PSME4: variants seen among roughly 807,000 people sequenced by gnomAD.
The protein encoded by PSME4 is proteasome activator subunit 4, also known as proteasome activator complex subunit 4.
In PSME4, 89 loss-of-function variants were observed where a neutral mutation model predicts 253.9. The observed-to-expected ratio is 0.35, with a 90% CI of 0.30 to 0.42. PSME4 has a LOEUF of 0.42. Ranked by LOEUF, PSME4 falls within the 10% of genes least tolerant of loss-of-function variation. PSME4 has a pLI of 1.00. For synonymous variants in PSME4, 851 were observed against 759.2 expected, an observed-to-expected ratio of 1.12 and a Z score of -1.99; for missense variants, 2,014 against 2,195.2, an observed-to-expected ratio of 0.92 and a Z score of 1.65.
rs1671048878 is a variant in PSME4, at chr2:53,970,830, CG to C, written c.-47del. ...CACCCCCTCCCACCCGAACCCTCCCCGGCCCCCACCCCTCTCCGGGCTCCGC... is the reference window on the plus strand; with the variant it reads ...CACCCCCTCCCACCCGAACCCTCCCCGCCCCCACCCCTCTCCGGGCTCCGC... On this transcript the variant is annotated 5_prime_UTR_variant, in exon 1 of 47. Transcript: ENST00000404125. 2.1e-6 allele frequency: 3 copies of C among 1,403,236 alleles called. No individual in the cohort carries two copies. The highest frequency in any genetic ancestry group is 1.5e-5 in the African/African-American group (1 of 67,424). 86.9% of individuals were successfully genotyped at this position (1,403,236 alleles called of 1,614,324 possible).
intron 45 of PSME4, 58 bp from the exon 46 acceptor site, chr2:53,866,281 T>A: frequency 6.4e-7 from 1 of 1,560,978 alleles, no homozygotes; most frequent in South Asian, 1.2e-5. Flanking sequence ...GGATCATATG[T>A]AGGATACTTT....
chr2:53,924,804 T>C (rs572215973), intron 14 of PSME4, among the ~76,000 whole-genome samples: 1 of 152,246 alleles, frequency 6.6e-6, no homozygotes, highest in South Asian at 2.1e-4. Context: ...ATGGTAGTCA[T>C]GTTCTATAAA....
intron 4 of PSME4, among the ~76,000 whole-genome samples, chr2:53,939,558 C>T (rs1434515800): frequency 6.6e-6 from 1 of 151,904 alleles, no homozygotes; most frequent in Non-Finnish European, 1.5e-5. Flanking sequence ...AGGCCCCACT[C>T]TCTACAAAAA....
Position 53,893,662 on chromosome 2 carries a change from C to T in PSME4, c.4038+12G>A, listed in dbSNP as rs1680014385. 7 of 1,606,476 alleles carry T rather than the reference C, an allele frequency of 4.4e-6. No homozygotes were observed. Among genetic ancestry groups the T allele is most frequent in the Non-Finnish European group, 6.0e-6 (7 of 1,176,054 alleles). ...AAGCATTACAAAGAGGATATGTAAACAATATAGTTACCTTAAAGAGGCAAA... is the reference window on the plus strand; with the variant it reads ...AAGCATTACAAAGAGGATATGTAAATAATATAGTTACCTTAAAGAGGCAAA... On this transcript the variant is annotated intron_variant, in intron 35 of 46. Transcript: ENST00000404125.
chr2:53,963,569 G>C (rs1670588014), intron 1 of PSME4, among the ~76,000 whole-genome samples: 1 of 152,140 alleles, frequency 6.6e-6, no homozygotes, highest in Non-Finnish European at 1.5e-5. Flanking sequence ...GAGAATACTT[G>C]TTACCCCAGG....
rs1178711835 is a variant in PSME4 at position 53,874,364 on chromosome 2, C to A, written c.5075G>T (p.Ser1692Ile). Reference protein sequence around the residue: ...AVKDIRWLVISLLEDEQLEVR... With the variant: ...AVKDIRWLVIILLEDEQLEVR... The stretch of plus-strand genomic sequence containing the variant: ...CTCCAGTTGTTCGTCCTCCAAAAGA[C>A]TTATAACCAGCCACCTGATATCTTT... The change falls in exon 43 of 47, where the codon AGT becomes ATT. Residue 1692 changes from serine to isoleucine, a missense_variant. Ser to Ile is a moderately radical substitution (Grantham distance 142). Around this residue, in one of 4 missense-constraint regions of PSME4, gnomAD observed 403 missense variants for 556.1 expected, o/e 0.72. Coordinates refer to ENST00000404125, the MANE Select transcript of PSME4 (RefSeq NM_014614.3). The A allele has an allele frequency of 1.9e-6, 3 of 1,613,578 alleles. No homozygotes were observed. In the Admixed American group the frequency reaches 5.0e-5, roughly 27 times the overall value.
At chr2:53,947,092 C>G (rs1353907262) in intron 3 of PSME4, among the ~76,000 whole-genome samples, 1 of 152,196 alleles carries the variant, frequency 6.6e-6, no homozygotes, top group Non-Finnish European at 1.5e-5. Flanking sequence ...TAAATGACTT[C>G]TAACCACCTT....
intron 3 of PSME4, among the ~76,000 whole-genome samples, chr2:53,943,058 T>TTA (rs1200265363): frequency 1.3e-5 from 2 of 152,190 alleles, no homozygotes; most frequent in African/African-American, 4.8e-5. Flanking sequence ...ACTTGCAGAT[T>TTA]TATGCCTCCT....
chr2:53,925,846 G>T, intron 13 of PSME4, 113 bp downstream of exon 13: 3 of 1,259,032 alleles, frequency 2.4e-6, no homozygotes, highest in Non-Finnish European at 3.4e-6. Context: ...AACTTCAGGA[G>T]CACCAGTAGT....
chr2:53,949,345 G>C (rs986182792), intron 1 of PSME4, 62 bp from the exon 2 acceptor site: 17 of 1,118,770 alleles, frequency 1.5e-5, no homozygotes, highest in Non-Finnish European at 2.0e-5. Flanking sequence ...CATGTTCAAT[G>C]CAGCATTATC....
intron 3 of PSME4, 124 bp downstream of exon 3, chr2:53,948,297 C>A (rs757619768): frequency 1.8e-5 from 12 of 684,908 alleles, no homozygotes; most frequent in Admixed American, 6.9e-5. Context: ...TCAAATTACA[C>A]AGAAATAGGC....
intron 44 of PSME4, among the ~76,000 whole-genome samples, chr2:53,868,978 C>T (rs944736504): frequency 6.6e-6 from 1 of 152,120 alleles, no homozygotes; most frequent in Non-Finnish European, 1.5e-5. Context: ...ACCGAATAAT[C>T]CCCTCTCCAA....
chr2:53,905,734 C>T (rs1318104497), intron 26 of PSME4, among the ~76,000 whole-genome samples: 1 of 152,126 alleles, frequency 6.6e-6, no homozygotes, highest in African/African-American at 2.4e-5. Flanking sequence ...TGAGCTCAAG[C>T]TCAAGGCTTG....
In PSME4 at chr2:53,874,489, T is replaced by C; in HGVS notation, c.4950A>G (p.Ala1650=). ...ATCGTGCATGCCAAGAACTGCTTCT[T>C]GCTGTCTGTGAATGACAAATAAATA... is the stretch of plus-strand genomic sequence containing the variant. The part of the protein sequence containing the change: ...PLVLQVLKQT[A]RSSSWHARYT... The change falls in exon 43 of 47, where the codon GCA becomes GCG. Residue 1650 remains alanine (A), a synonymous_variant. Transcript: ENST00000404125. 1 of 1,613,364 alleles carries C rather than the reference T, an allele frequency of 6.2e-7. No homozygotes were observed. The highest frequency in any genetic ancestry group is 8.5e-7 in the Non-Finnish European group (1 of 1,179,816).
Position 53,952,897 on chromosome 2 carries a change from C to T in PSME4, c.243-3614G>A, listed in dbSNP as rs1332067741. On this transcript the variant is annotated intron_variant, in intron 1 of 46. Coordinates refer to ENST00000404125, the MANE Select transcript of PSME4 (RefSeq NM_014614.3). ...AGTCCCTGAGCTGGGGGTTGGGGGA[C>T]CCCCTGCTCCAAGCCACTGAAGTAA... Among the ~76,000 whole-genome samples, 14 of 152,334 alleles carry T rather than the reference C, an allele frequency of 9.2e-5. No homozygotes were observed. The East Asian group carries it at 2.3e-3, about 25-fold the overall frequency.
intron 17 of PSME4, among the ~76,000 whole-genome samples, chr2:53,921,995 AC>A (rs1668347925): frequency 6.7e-6 from 1 of 149,694 alleles, no homozygotes; most frequent in Non-Finnish European, 1.5e-5. Context: ...ACACAGTGAA[AC>A]CCCGTCTCTA....
At chr2:53,923,877 C>T (rs911001199) in intron 14 of PSME4, among the ~76,000 whole-genome samples, 1 of 136,070 alleles carries the variant, frequency 7.3e-6, no homozygotes, top group Non-Finnish European at 1.5e-5. Flanking sequence ...GAGCCGAGAT[C>T]GCGACACTGC....
intron 1 of PSME4, among the ~76,000 whole-genome samples, chr2:53,954,636 C>T (rs986981529): frequency 1.3e-5 from 2 of 151,978 alleles, no homozygotes; most frequent in Admixed American, 1.3e-4. Context: ...GTCAGGAGTT[C>T]AAGATCAGCC....
At chr2:53,949,663 G>A (rs1036231488) in intron 1 of PSME4, among the ~76,000 whole-genome samples, 8 of 152,290 alleles carry the variant, frequency 5.3e-5, no homozygotes, top group East Asian at 3.9e-4. Flanking sequence ...CAAATACTGT[G>A]TAGGTATCCA....
Sources: allele counts gnomAD v4.1 joint callset (sites outside exome capture counted in the v4.1 genomes callset), GRCh38; gene constraint gnomAD v4.1.1; regional missense constraint gnomAD v4.1.1; transcripts MANE v1.5; gene names NCBI Gene and HGNC (gene_info 2026-07-23, HGNC 2026-07-21).